Variants in PTPRN2 observed in about 807,000 individuals in gnomAD.
PTPRN2 encodes the protein receptor-type tyrosine-protein phosphatase N2.
A neutral mutation model predicts 118.8 loss-of-function variants in PTPRN2; 74 were observed. That is an observed-to-expected ratio of 0.62 (90% CI 0.52 to 0.76). PTPRN2 has a LOEUF of 0.76. Among genes scored for constraint, PTPRN2 ranks in the 30% least tolerant of loss-of-function variants. The probability of loss-of-function intolerance (pLI) is 0.00; values close to 1 mark genes in which losing one functional copy is unlikely to be tolerated. For synonymous variants in PTPRN2, 641 were observed against 608.0 expected (o/e 1.05, Z -0.80); for missense variants, 1,481 against 1,394.4 (o/e 1.06, Z -0.99).
chr7:158,409,854 T>G (rs1813897146), intron 2 of PTPRN2, among the ~76,000 whole-genome samples: 1 of 152,228 alleles, frequency 6.6e-6, no homozygotes. Flanking sequence ...GAAGATGTGT[T>G]GACGTCGCCT....
At chr7:158,518,255 T>C (rs560972292) in intron 1 of PTPRN2, among the ~76,000 whole-genome samples, 1 of 151,530 alleles carries the variant, frequency 6.6e-6, no homozygotes, top group East Asian at 2.0e-4. Context: ...AGAGACGATA[T>C]GGATTTCACA....
At chr7:158,142,749 A>G (rs974466135) in intron 6 of PTPRN2, among the ~76,000 whole-genome samples, 1 of 152,120 alleles carries the variant, frequency 6.6e-6, no homozygotes, top group Non-Finnish European at 1.5e-5. Flanking sequence ...ACAAACAAAA[A>G]CATGCCTAAA....
At chr7:157,700,454 T>C (rs947512944) in intron 12 of PTPRN2, among the ~76,000 whole-genome samples, 6 of 152,170 alleles carry the variant, frequency 3.9e-5, no homozygotes, top group African/African-American at 1.4e-4. Context: ...GTCCTGAATG[T>C]CCATCTTTGG....
chr7:157,722,829 T>G (rs13231216), intron 12 of PTPRN2, among the ~76,000 whole-genome samples: 88,227 of 151,784 alleles, frequency 0.58, 26,250 homozygotes, highest in Non-Finnish European at 0.62. Context: ...CGGTGCAGGG[T>G]GGGGCTCTGC....
At chr7:157,898,178 G>A (rs1164156285) in intron 12 of PTPRN2, among the ~76,000 whole-genome samples, 1 of 152,110 alleles carries the variant, frequency 6.6e-6, no homozygotes, top group Non-Finnish European at 1.5e-5. Flanking sequence ...AGCATGGTAA[G>A]GTTTGCACAC....
intron 3 of PTPRN2, among the ~76,000 whole-genome samples, chr7:158,245,395 C>T (rs985575764): frequency 4.6e-5 from 7 of 152,264 alleles, no homozygotes; most frequent in Admixed American, 3.3e-4. Flanking sequence ...GCTGGTCAAA[C>T]GGGACTGAGA....
intron 3 of PTPRN2, among the ~76,000 whole-genome samples, chr7:158,206,309 T>C (rs1220871342): frequency 6.6e-6 from 1 of 152,128 alleles, no homozygotes; most frequent in East Asian, 1.9e-4. Flanking sequence ...CCAGGTGACA[T>C]TTCTAGACAC....
Position 158,109,206 on chromosome 7 carries a change from A to C in PTPRN2, c.1643+1623T>G, listed in dbSNP as rs376673112. On this transcript the variant is annotated intron_variant, in intron 10 of 22. Coordinates refer to ENST00000389418, the MANE Select transcript of PTPRN2 (RefSeq NM_002847.5). ...AGTGAATGACATCACCCCTGTGTGA[A>C]GACTCAGTGAGTGAATGATGTCACC... 7.9e-4 allele frequency among the ~76,000 whole-genome samples: 119 copies of C among 150,204 alleles called. 1 individual carries two copies. The East Asian group carries it at 0.018, about 23-fold the overall frequency.
At chr7:158,417,997 G>A (rs556027107) in intron 2 of PTPRN2, among the ~76,000 whole-genome samples, 27 of 147,938 alleles carry the variant, frequency 1.8e-4, no homozygotes, top group East Asian at 1.4e-3. Context: ...GTTAAGTCAC[G>A]GTGTACTACA....
Position 158,167,281 on chromosome 7 carries a change from C to A in PTPRN2, c.560G>T (p.Arg187Leu), listed in dbSNP as rs192850596. ...ATAGGTCAGGATGCTCTCGGAGAAG[C>A]GGTCATCACCCTGAAGGAAAGGAGA... Reference protein sequence around the residue: ...QDRPPAEGDDRFSESILTYVA... With the variant: ...QDRPPAEGDDLFSESILTYVA... Residue 187 changes from arginine to leucine, a missense_variant, in exon 6 of 23, where the codon CGC becomes CTC. Arg to Leu is a moderately radical substitution (Grantham distance 102). This residue lies in a region of PTPRN2 where 1,115 missense variants were observed against 994.2 expected (regional missense o/e 1.12). Transcript: ENST00000389418. The A allele has an allele frequency of 6.3e-7, 1 of 1,596,774 alleles. No individual in the cohort carries two copies. Among genetic ancestry groups the A allele is most frequent in the African/African-American group, 1.3e-5 (1 of 74,556 alleles).
At chr7:158,485,240 G>A (rs1820923921) in intron 2 of PTPRN2, among the ~76,000 whole-genome samples, 2 of 152,074 alleles carry the variant, frequency 1.3e-5, no homozygotes, top group South Asian at 4.1e-4. Flanking sequence ...AACGGAGAGC[G>A]CGACTTGCTC....
intron 14 of PTPRN2, among the ~76,000 whole-genome samples, chr7:157,621,937 C>T (rs1458210714): frequency 6.6e-6 from 1 of 152,006 alleles, no homozygotes; most frequent in African/African-American, 2.4e-5. Context: ...AGAGACTGGG[C>T]TGCTCTGATC....
chr7:157,748,295 TG>T, intron 12 of PTPRN2, among the ~76,000 whole-genome samples: 1 of 121,870 alleles, frequency 8.2e-6, no homozygotes, highest in African/African-American at 3.0e-5. Flanking sequence ...GTGGGGTGTC[TG>T]GGGGATTCTG....
chr7:158,291,356 C>T (rs1013528851), intron 3 of PTPRN2, among the ~76,000 whole-genome samples: 2 of 152,190 alleles, frequency 1.3e-5, no homozygotes, highest in Non-Finnish European at 2.9e-5. Context: ...TACAGAATCA[C>T]ACATATTTGT....
chr7:158,230,399 C>T (rs1563630085), intron 3 of PTPRN2, among the ~76,000 whole-genome samples: 1 of 152,078 alleles, frequency 6.6e-6, no homozygotes, highest in East Asian at 1.9e-4. Flanking sequence ...CACTCATAAC[C>T]GTAGAATGAA....
intron 12 of PTPRN2, among the ~76,000 whole-genome samples, chr7:157,687,227 GT>G (rs1238577069): frequency 6.6e-6 from 1 of 152,166 alleles, no homozygotes; most frequent in Non-Finnish European, 1.5e-5. Context: ...TTTTTTAGCT[GT>G]CCATGTGGTA....
chr7:157,922,062 A>C (rs1798718600), intron 11 of PTPRN2, among the ~76,000 whole-genome samples: 1 of 152,232 alleles, frequency 6.6e-6, no homozygotes, highest in Admixed American at 6.5e-5. Context: ...AACAAAGGTT[A>C]AAAGTTGCTT....
In PTPRN2 at chr7:157,555,583, C is replaced by T. The variant is rs139850241; in HGVS notation, c.2903-6564G>A. Among the ~76,000 whole-genome samples the T allele has an allele frequency of 3.9e-3, 597 of 152,344 alleles. 5 individuals are homozygous for T. The highest frequency in any genetic ancestry group is 6.6e-3 in the Non-Finnish European group (448 of 68,040). ...CGCCGTCTCCTGACCGTCATTCTTC[C>T]GCATGGCTTCCGGCAGCCTGTTCAT... is the stretch of plus-strand genomic sequence containing the variant. On this transcript the variant is annotated intron_variant, in intron 21 of 22. Coordinates refer to ENST00000389418, the MANE Select transcript of PTPRN2 (RefSeq NM_002847.5).
chr7:158,351,193 C>T (rs1807904004), intron 2 of PTPRN2, among the ~76,000 whole-genome samples: 2 of 152,192 alleles, frequency 1.3e-5, no homozygotes, highest in South Asian at 2.1e-4. Context: ...GCAGGAGGAA[C>T]TCGTGCTACC....
Sources: gnomAD v4.1 joint callset for allele counts (sites outside exome capture counted in the v4.1 genomes callset) on GRCh38, gnomAD v4.1.1 for gene constraint, gnomAD v4.1.1 regional missense constraint, MANE v1.5 for transcripts, NCBI Gene and HGNC (gene_info 2026-07-23, HGNC 2026-07-21) for gene names.